ENTPD1: variants seen among roughly 807,000 people sequenced by gnomAD.
The protein encoded by ENTPD1 is ectonucleoside triphosphate diphosphohydrolase 1.
ENTPD1 carries 33 observed loss-of-function variants against 57.0 expected under a neutral mutation model. That is an observed-to-expected ratio of 0.58 (90% CI 0.44 to 0.77). The LOEUF is 0.77. Among genes scored for constraint, ENTPD1 ranks in the 30% least tolerant of loss-of-function variants. The probability of loss-of-function intolerance (pLI) is 0.00; values close to 1 mark genes in which losing one functional copy is unlikely to be tolerated. For missense variants in ENTPD1, 501 were observed against 603.4 expected, an observed-to-expected ratio of 0.83 and a Z score of 1.78; for synonymous variants, 202 against 218.8, an observed-to-expected ratio of 0.92 and a Z score of 0.68.
chr10:95,859,239 T>A (rs141436800), intron 7 of ENTPD1, among the ~76,000 whole-genome samples: 2 of 152,336 alleles, frequency 1.3e-5, no homozygotes, highest in Non-Finnish European at 2.9e-5. Context: ...AGCAGGAAAT[T>A]GCCTGGTGGA....
chr10:95,716,851 A>T (rs2097972104), intron 1 of ENTPD1, among the ~76,000 whole-genome samples: 1 of 152,252 alleles, frequency 6.6e-6, no homozygotes, highest in Non-Finnish European at 1.5e-5. Context: ...TGAGCGTGAC[A>T]GATGGCAAGC....
intron 8 of ENTPD1, among the ~76,000 whole-genome samples, chr10:95,863,335 T>G (rs2098468589): frequency 6.6e-6 from 1 of 152,196 alleles, no homozygotes; most frequent in Non-Finnish European, 1.5e-5. Context: ...TCTTGGGATT[T>G]TGTGTCCCAT....
At chr10:95,717,255 G>A (rs966931332) in intron 1 of ENTPD1, among the ~76,000 whole-genome samples, 8 of 151,642 alleles carry the variant, frequency 5.3e-5, no homozygotes, top group African/African-American at 1.9e-4. Context: ...TTTGTTTTCA[G>A]CAATTCGCCT....
chr10:95,868,541 C>A lies in ENTPD1; in HGVS notation c.*2158C>A. On this transcript the variant is annotated 3_prime_UTR_variant, in exon 10 of 10. Transcript: ENST00000371205. ...AAAATAAAGGTCAAATAAGTTGAGC[C>A]AATAACAGCCGCTTTTTTCCTTCTG... 1.0e-6 allele frequency: 1 copy of A among 985,362 alleles called. No individual in the cohort carries two copies. The highest frequency in any genetic ancestry group is 4.7e-5 in the South Asian group (1 of 21,282). The allele number at this position is 985,362 out of a possible 1,614,324, so 61.0% of individuals were successfully genotyped here. A position where few individuals can be genotyped will look rare whatever the true frequency, so the allele number is the denominator to read the frequency against.
At chr10:95,858,579 A>G (rs1281594270) in intron 7 of ENTPD1, among the ~76,000 whole-genome samples, 1 of 152,162 alleles carries the variant, frequency 6.6e-6, no homozygotes. Flanking sequence ...ACACGAGATG[A>G]TAGTGGCTTG....
At chr10:95,764,718 ATTTTTTTTTTTTT>A (rs34082135) in intron 1 of ENTPD1, among the ~76,000 whole-genome samples, 1 of 103,568 alleles carries the variant, frequency 9.7e-6, no homozygotes, top group Non-Finnish European at 1.8e-5. Context: ...TCCTTTGCCC[ATTTTTTTTTTTTT>A]TTTTTTTTGA....
chr10:95,699,231 A>G, the ENTPD1 span, among the ~76,000 whole-genome samples: 1 of 152,326 alleles, frequency 6.6e-6, no homozygotes, highest in Middle Eastern at 3.4e-3. Context: ...TAGAACAAAT[A>G]TAATTAACAT....
chr10:95,766,225 C>T (rs530565048), intron 1 of ENTPD1, among the ~76,000 whole-genome samples: 5 of 152,148 alleles, frequency 3.3e-5, no homozygotes, highest in Non-Finnish European at 5.9e-5. Context: ...GTTCCTTTAC[C>T]CCTAAATATT....
intron 1 of ENTPD1, among the ~76,000 whole-genome samples, chr10:95,717,938 T>C (rs1319212891): frequency 6.6e-6 from 1 of 152,194 alleles, no homozygotes; most frequent in Non-Finnish European, 1.5e-5. Context: ...CAGCTTCGAT[T>C]CTGGAAGAGG....
At chr10:95,773,364 A>T (rs1566129712) in intron 1 of ENTPD1, among the ~76,000 whole-genome samples, 1 of 152,168 alleles carries the variant, frequency 6.6e-6, no homozygotes. Context: ...TCTTCATCAG[A>T]GCTCTTGGAT....
Position 95,869,428 on chromosome 10 carries a change from T to C in ENTPD1, c.*3045T>C, listed in dbSNP as rs995505131. The C allele has an allele frequency of 4.3e-6, 3 of 700,880 alleles. No homozygotes were observed. Among genetic ancestry groups the C allele is most frequent in the Non-Finnish European group, 5.3e-6 (3 of 570,736 alleles). The allele number at this position is 700,880 out of a possible 1,614,324, so 43.4% of individuals were successfully genotyped here. On this transcript the variant is annotated 3_prime_UTR_variant, in exon 10 of 10. Coordinates refer to ENST00000371205, the MANE Select transcript of ENTPD1 (RefSeq NM_001776.6). ...CCACACCCGGCTAATTTTTGTATTT[T>C]TAGTAAAGACAGGGTTTCACCATGT...
chr10:95,720,705 G>C (rs6584017), intron 1 of ENTPD1, among the ~76,000 whole-genome samples: 2 of 151,946 alleles, frequency 1.3e-5, no homozygotes. Context: ...GAGGACCTTC[G>C]TCCCCTGGGG....
chr10:95,742,572 G>A (rs950329219), intron 1 of ENTPD1, among the ~76,000 whole-genome samples: 16 of 129,560 alleles, frequency 1.2e-4, no homozygotes, highest in African/African-American at 4.7e-4. Flanking sequence ...TGGGAATATT[G>A]TGTGTTGTGG....
chr10:95,707,356 G>A (rs539579067), upstream of ENTPD1, among the ~76,000 whole-genome samples: 40 of 152,312 alleles, frequency 2.6e-4, no homozygotes, highest in African/African-American at 8.9e-4. Context: ...TGGGGGGGCT[G>A]CAGTGGTACC....
chr10:95,702,256 A>G, the ENTPD1 span, among the ~76,000 whole-genome samples: 1 of 152,110 alleles, frequency 6.6e-6, no homozygotes, highest in Admixed American at 6.6e-5. Flanking sequence ...ATATACATTC[A>G]GTAAAATAGC....
At chr10:95,764,718 AT>A (rs34082135) in intron 1 of ENTPD1, among the ~76,000 whole-genome samples, 11,942 of 103,324 alleles carry the variant, frequency 0.12, 432 homozygotes, top group African/African-American at 0.22. Context: ...TCCTTTGCCC[AT>A]TTTTTTTTTT....
intron 1 of ENTPD1, among the ~76,000 whole-genome samples, chr10:95,765,476 C>G (rs1405905835): frequency 6.6e-6 from 1 of 152,076 alleles, no homozygotes; most frequent in East Asian, 1.9e-4. Context: ...TTTTGGCACC[C>G]TGTTGAAAAT....
intron 1 of ENTPD1, among the ~76,000 whole-genome samples, chr10:95,776,102 T>G (rs919859517): frequency 1.3e-5 from 2 of 152,192 alleles, no homozygotes; most frequent in African/African-American, 4.8e-5. Context: ...AATTTGCCAG[T>G]CTGTGTCTTT....
chr10:95,707,560 T>C (rs902959777), upstream of ENTPD1, among the ~76,000 whole-genome samples: 1 of 152,186 alleles, frequency 6.6e-6, no homozygotes, highest in African/African-American at 2.4e-5. Context: ...TGTCTTCAAA[T>C]GGGCTAGGGT....
Sources: allele counts gnomAD v4.1 joint callset (sites outside exome capture counted in the v4.1 genomes callset), GRCh38; gene constraint gnomAD v4.1.1; transcripts MANE v1.5; gene names NCBI Gene and HGNC (gene_info 2026-07-23, HGNC 2026-07-21).